The following RBFOX1 variants were observed in gnomAD, a reference collection of about 807,000 sequenced individuals.
RBFOX1 encodes the protein RNA binding fox-1 homolog 1.
In RBFOX1, 8 loss-of-function variants were observed where a neutral mutation model predicts 57.7. The ratio of observed to expected loss-of-function variants is 0.14; its 90% CI spans 0.08 to 0.25. The LOEUF is 0.25. Among genes scored for constraint, RBFOX1 ranks in the 10% least tolerant of loss-of-function variants. The pLI is 1.00. For missense variants in RBFOX1, 611 were observed against 548.5 expected (o/e 1.11, Z -1.14); for synonymous variants, 326 against 222.4 (o/e 1.47, Z -4.15).
chr16:7,617,464 A>G (rs1169655417), intron 10 of RBFOX1, among the ~76,000 whole-genome samples: 1 of 152,154 alleles, frequency 6.6e-6, no homozygotes, highest in African/African-American at 2.4e-5. Context: ...CTTGGCTTGA[A>G]GAGCTCAGCG....
chr16:5,533,641 T>G (rs1175777031), intron 2 of RBFOX1, among the ~76,000 whole-genome samples: 3 of 152,214 alleles, frequency 2.0e-5, no homozygotes, highest in African/African-American at 4.8e-5. Context: ...TGATGAAGAT[T>G]GATTTTAAAG....
At chr16:7,132,835 AG>A (rs1209987146) in intron 4 of RBFOX1, among the ~76,000 whole-genome samples, 1 of 152,218 alleles carries the variant, frequency 6.6e-6, no homozygotes, top group Non-Finnish European at 1.5e-5. Context: ...TACATCTTTC[AG>A]TAACTGCCAT....
At chr16:6,731,000 G>T (rs994046159) in intron 3 of RBFOX1, among the ~76,000 whole-genome samples, 8 of 152,152 alleles carry the variant, frequency 5.3e-5, no homozygotes, top group African/African-American at 1.9e-4. Flanking sequence ...TATCATTGAT[G>T]TCAGAGATCA....
intron 4 of RBFOX1, among the ~76,000 whole-genome samples, chr16:6,011,703 A>T (rs1262177108): frequency 6.6e-6 from 1 of 152,166 alleles, no homozygotes; most frequent in Non-Finnish European, 1.5e-5. Flanking sequence ...TGAAGCTTGC[A>T]TGTGTCTCCC....
chr16:6,489,381 A>G (rs1184913377), intron 2 of RBFOX1, among the ~76,000 whole-genome samples: 1 of 152,140 alleles, frequency 6.6e-6, no homozygotes, highest in Non-Finnish European at 1.5e-5. Context: ...AAATGCTTTA[A>G]AATATTAATT....
intron 4 of RBFOX1, among the ~76,000 whole-genome samples, chr16:7,441,399 C>G (rs61251016): frequency 6.6e-6 from 1 of 152,134 alleles, no homozygotes; most frequent in African/African-American, 2.4e-5. Context: ...GAGTTTTGCT[C>G]TGAGAGATGA....
chr16:5,775,469 C>T (rs1359404289), intron 3 of RBFOX1, among the ~76,000 whole-genome samples: 1 of 152,234 alleles, frequency 6.6e-6, no homozygotes, highest in Non-Finnish European at 1.5e-5. Flanking sequence ...ACGGTGGAAA[C>T]ACCTATGTGT....
intron 3 of RBFOX1, among the ~76,000 whole-genome samples, chr16:7,038,669 C>G (rs148347729): frequency 6.6e-6 from 1 of 152,094 alleles, no homozygotes; most frequent in Non-Finnish European, 1.5e-5. Context: ...AACAACTCCA[C>G]GAGACTGCAT....
intron 3 of RBFOX1, among the ~76,000 whole-genome samples, chr16:5,760,393 TAC>T (rs2053551649): frequency 6.6e-6 from 1 of 151,950 alleles, no homozygotes; most frequent in South Asian, 2.1e-4. Flanking sequence ...TACATATACA[TAC>T]ACACACACAT....
chr16:6,592,642 C>T (rs185664898), intron 2 of RBFOX1, among the ~76,000 whole-genome samples: 3 of 152,256 alleles, frequency 2.0e-5, no homozygotes, highest in East Asian at 3.9e-4. Context: ...AGTTCTGCTA[C>T]TAAGTAATGG....
At chr16:6,806,840 T>TATATATATATATATATATA (rs1351406747) in intron 3 of RBFOX1, among the ~76,000 whole-genome samples, 1 of 49,176 alleles carries the variant, frequency 2.0e-5, no homozygotes, top group Non-Finnish European at 4.5e-5. Flanking sequence ...ATATATATTT[T>TATATATATATATATATATA]TTTTTTTTTT....
chr16:5,277,569 C>A (rs749229099), intron 1 of RBFOX1, among the ~76,000 whole-genome samples: 1 of 152,106 alleles, frequency 6.6e-6, no homozygotes, highest in African/African-American at 2.4e-5. Flanking sequence ...CAAACCCCTC[C>A]TCTTCCCAGC....
intron 2 of RBFOX1, among the ~76,000 whole-genome samples, chr16:5,554,848 C>G (rs567001232): frequency 2.0e-5 from 3 of 152,338 alleles, no homozygotes; most frequent in East Asian, 3.9e-4. Context: ...TTCCTGCCTT[C>G]TGAGCAGTTG....
chr16:5,701,554 C>G (rs1350301012), intron 3 of RBFOX1, among the ~76,000 whole-genome samples: 1 of 152,118 alleles, frequency 6.6e-6, no homozygotes, highest in East Asian at 1.9e-4. Flanking sequence ...GCCATTCTCT[C>G]CAGTGGCTGG....
chr16:6,083,092 C>G (rs1315415082), intron 1 of RBFOX1, among the ~76,000 whole-genome samples: 1 of 152,022 alleles, frequency 6.6e-6, no homozygotes, highest in African/African-American at 2.4e-5. Context: ...ACCTCCTCCT[C>G]CCAGGTTCAA....
At chr16:7,184,883 T>A (rs1022934588) in intron 4 of RBFOX1, among the ~76,000 whole-genome samples, 9 of 152,180 alleles carry the variant, frequency 5.9e-5, no homozygotes, top group Non-Finnish European at 1.3e-4. Flanking sequence ...TAATAATGTT[T>A]ACACATGGGT....
At chr16:7,704,389 A>C (rs2081754596) in intron 14 of RBFOX1, among the ~76,000 whole-genome samples, 1 of 152,328 alleles carries the variant, frequency 6.6e-6, no homozygotes, top group Admixed American at 6.5e-5. Flanking sequence ...TGATGTAAAA[A>C]GTGTACACTA....
chr16:7,177,229 T>C (rs1290554382), intron 4 of RBFOX1, among the ~76,000 whole-genome samples: 7 of 152,128 alleles, frequency 4.6e-5, no homozygotes, highest in South Asian at 2.1e-4. Flanking sequence ...AAAGGGGAAA[T>C]TTGTGCTCCT....
intron 1 of RBFOX1, among the ~76,000 whole-genome samples, chr16:6,223,235 C>G (rs1236934603): frequency 2.6e-5 from 4 of 151,312 alleles, no homozygotes; most frequent in Non-Finnish European, 5.9e-5. Flanking sequence ...ATGGCTGGGT[C>G]AAATGGTATT....
Sources: gnomAD v4.1 joint callset for allele counts (sites outside exome capture counted in the v4.1 genomes callset) on GRCh38, gnomAD v4.1.1 for gene constraint, MANE v1.5 for transcripts, NCBI Gene and HGNC (gene_info 2026-07-23, HGNC 2026-07-21) for gene names.